The following CNTN4 variants were observed in gnomAD, a reference collection of about 807,000 sequenced individuals.
CNTN4 encodes the protein contactin 4, also known as contactin-4.
A neutral mutation model predicts 122.5 loss-of-function variants in CNTN4; 77 were observed. The observed-to-expected ratio is 0.63, with a 90% CI of 0.52 to 0.76. CNTN4 has a LOEUF of 0.76. Among genes scored for constraint, CNTN4 ranks in the 30% least tolerant of loss-of-function variants. The pLI, the probability that CNTN4 is intolerant of heterozygous loss-of-function variation, is 0.00. For synonymous variants in CNTN4, 512 were observed against 447.0 expected, an observed-to-expected ratio of 1.15 and a Z score of -1.83; for missense variants, 1,256 against 1,259.1, an observed-to-expected ratio of 1.00 and a Z score of 0.04.
intron 4 of CNTN4, among the ~76,000 whole-genome samples, chr3:2,712,912 C>G (rs1335635767): frequency 6.6e-6 from 1 of 152,182 alleles, no homozygotes; most frequent in African/African-American, 2.4e-5. Flanking sequence ...GTGGCTCACC[C>G]AAGCAGGGCG....
At chr3:2,969,434 C>G (rs1352030056) in intron 13 of CNTN4, among the ~76,000 whole-genome samples, 1 of 152,106 alleles carries the variant, frequency 6.6e-6, no homozygotes, top group Non-Finnish European at 1.5e-5. Context: ...ATGAACACCC[C>G]AGCAGCCAGA....
intron 3 of CNTN4, among the ~76,000 whole-genome samples, chr3:2,540,577 A>C (rs2077993099): frequency 6.6e-6 from 1 of 152,108 alleles, no homozygotes; most frequent in Admixed American, 6.6e-5. Flanking sequence ...TAGGAGTTTC[A>C]GTATGATTTA....
chr3:2,639,654 G>A (rs1038396326), intron 4 of CNTN4, among the ~76,000 whole-genome samples: 2 of 152,160 alleles, frequency 1.3e-5, no homozygotes, highest in African/African-American at 4.8e-5. Context: ...GGTACTCGAT[G>A]CATATTTATT....
At chr3:2,352,487 T>C (rs62244046) in intron 3 of CNTN4, among the ~76,000 whole-genome samples, 19,308 of 152,044 alleles carry the variant, frequency 0.13, 1,537 homozygotes, top group Non-Finnish European at 0.18. Context: ...ACACTCAGAG[T>C]GGCAGGCCGG....
chr3:2,767,944 G>A (rs546709716), intron 6 of CNTN4, among the ~76,000 whole-genome samples: 7 of 152,306 alleles, frequency 4.6e-5, no homozygotes, highest in South Asian at 4.1e-4. Context: ...AGCAGTGGGC[G>A]TGTAAGGTCA....
Position 2,837,472 on chromosome 3 carries a change from C to T in CNTN4, c.454+17891C>T, listed in dbSNP as rs573279425. Among the ~76,000 whole-genome samples, 5 of 152,310 alleles carry T rather than the reference C, an allele frequency of 3.3e-5. No homozygotes were observed. The South Asian group carries it at 6.2e-4, about 19-fold the overall frequency. On this transcript the variant is annotated intron_variant, in intron 7 of 24. Transcript: ENST00000418658. ...TTCTGAATCTCCAGTGGCAGGCCCT[C>T]ACGGTGTTACTGGGGCAAGTGTGCA...
chr3:2,946,704 CTTT>C (rs55883455), intron 13 of CNTN4, among the ~76,000 whole-genome samples: 2 of 119,376 alleles, frequency 1.7e-5, no homozygotes, highest in Non-Finnish European at 1.7e-5. Flanking sequence ...TTTTTTTTTT[CTTT>C]TTTTTTTTTT....
At chr3:2,929,608 C>G (rs1316254543) in intron 13 of CNTN4, among the ~76,000 whole-genome samples, 1 of 152,184 alleles carries the variant, frequency 6.6e-6, no homozygotes, top group Non-Finnish European at 1.5e-5. Flanking sequence ...ACAGTATCAT[C>G]AGGACTCTGT....
intron 13 of CNTN4, among the ~76,000 whole-genome samples, chr3:2,951,960 C>G (rs902597805): frequency 2.6e-5 from 4 of 152,186 alleles, no homozygotes; most frequent in Admixed American, 2.6e-4. Context: ...GACTGAACAT[C>G]AGCTACAGGA....
At chr3:2,978,855 G>A (rs958847144) in intron 13 of CNTN4, among the ~76,000 whole-genome samples, 2 of 152,160 alleles carry the variant, frequency 1.3e-5, no homozygotes, top group Admixed American at 6.5e-5. Flanking sequence ...GTTTGCTTAA[G>A]CTGAGAAGTA....
intron 14 of CNTN4, among the ~76,000 whole-genome samples, chr3:3,002,193 A>C (rs1696116857): frequency 6.6e-6 from 1 of 152,218 alleles, no homozygotes; most frequent in Non-Finnish European, 1.5e-5. Context: ...GAATATTTTT[A>C]ATTGATTCGA....
chr3:2,268,961 C>T (rs1372626324), intron 2 of CNTN4, among the ~76,000 whole-genome samples: 2 of 152,080 alleles, frequency 1.3e-5, no homozygotes, highest in Non-Finnish European at 2.9e-5. Flanking sequence ...AAATAGGTTT[C>T]TCTGCCGATC....
intron 13 of CNTN4, among the ~76,000 whole-genome samples, chr3:2,987,498 G>A (rs548401030): frequency 6.6e-4 from 101 of 152,348 alleles, no homozygotes; most frequent in African/African-American, 2.3e-3. Flanking sequence ...GGGATGGAAA[G>A]ATGTGAGCAG....
intron 2 of CNTN4, among the ~76,000 whole-genome samples, chr3:2,316,835 C>G (rs1279059844): frequency 6.6e-6 from 1 of 152,184 alleles, no homozygotes; most frequent in African/African-American, 2.4e-5. Context: ...TGACAGGTTT[C>G]ATTTATCCAT....
At chr3:2,923,273 A>G (rs2094445056) in intron 12 of CNTN4, among the ~76,000 whole-genome samples, 1 of 151,918 alleles carries the variant, frequency 6.6e-6, no homozygotes, top group Non-Finnish European at 1.5e-5. Context: ...TTGTAACTCT[A>G]TTTCACAAAA....
intron 20 of CNTN4, among the ~76,000 whole-genome samples, chr3:3,041,452 C>A (rs1169889280): frequency 6.6e-6 from 1 of 152,216 alleles, no homozygotes; most frequent in African/African-American, 2.4e-5. Context: ...GCTGACTTGA[C>A]TAAGATTCAA....
intron 6 of CNTN4, among the ~76,000 whole-genome samples, chr3:2,789,335 A>T (rs2091935422): frequency 6.6e-6 from 1 of 152,192 alleles, no homozygotes; most frequent in Non-Finnish European, 1.5e-5. Flanking sequence ...TAAAGTGTGG[A>T]ATTATGTTTA....
intron 9 of CNTN4, among the ~76,000 whole-genome samples, chr3:2,884,272 A>G (rs1406445433): frequency 6.6e-6 from 1 of 152,120 alleles, no homozygotes; most frequent in Non-Finnish European, 1.5e-5. Flanking sequence ...ATCAGCGTGT[A>G]ATCTCTTTTC....
In CNTN4 at chr3:2,841,043, A is replaced by G. The variant is rs963199144; in HGVS notation, c.454+21462A>G. Among the ~76,000 whole-genome samples the G allele has an allele frequency of 8.5e-5, 13 of 152,200 alleles. No homozygotes were observed. Among genetic ancestry groups the G allele is most frequent in the South Asian group, 2.1e-4 (1 of 4,832 alleles). On this transcript the variant is annotated intron_variant, in intron 7 of 24. Transcript: ENST00000418658. The surrounding 1 kb of genome is among the most constrained non-coding windows in gnomAD (Gnocchi z 4.8). Reference sequence around the variant, plus strand: ...CTATTCTGCATTATCATATGAAATCAAAGAGTGAGGAAAAAAGTCAAGGAT... The same window carrying G: ...CTATTCTGCATTATCATATGAAATCGAAGAGTGAGGAAAAAAGTCAAGGAT...
Sources: allele counts gnomAD v4.1 joint callset (sites outside exome capture counted in the v4.1 genomes callset), GRCh38; gene constraint gnomAD v4.1.1; non-coding constraint Gnocchi (gnomAD v3.1); transcripts MANE v1.5; gene names NCBI Gene and HGNC (gene_info 2026-07-23, HGNC 2026-07-21).